The following CENPP variants were observed in gnomAD, a reference collection of about 807,000 sequenced individuals.
The protein encoded by CENPP is centromere protein P.
A neutral mutation model predicts 35.6 loss-of-function variants in CENPP; 24 were observed. The observed-to-expected ratio is 0.67, with a 90% CI of 0.49 to 0.95. The LOEUF is 0.95. Ranked by LOEUF, CENPP falls within the 40% of genes least tolerant of loss-of-function variation. The pLI, the probability that CENPP is intolerant of heterozygous loss-of-function variation, is 0.00. For synonymous variants in CENPP, 120 were observed against 125.5 expected, an observed-to-expected ratio of 0.96 and a Z score of 0.29; for missense variants, 332 against 345.3, an observed-to-expected ratio of 0.96 and a Z score of 0.31.
At chr9:92,495,710 T>A in intron 5 of CENPP, 1 of 900,882 alleles carries the variant, frequency 1.1e-6, no homozygotes, top group Non-Finnish European at 1.3e-6. Context: ...TACATAACCA[T>A]AATATGATTT....
intron 1 of CENPP, among the ~76,000 whole-genome samples, chr9:92,330,701 T>TG (rs200149638): frequency 0.09 from 13,376 of 148,388 alleles, 560 homozygotes; most frequent in Non-Finnish European, 0.098. Flanking sequence ...TTTTTTTTTT[T>TG]TTGTTGAGAC....
intron 5 of CENPP, among the ~76,000 whole-genome samples, chr9:92,555,142 G>T (rs1167398387): frequency 1.3e-5 from 2 of 149,192 alleles, no homozygotes; most frequent in Non-Finnish European, 3.0e-5. Context: ...AAAACGATTG[G>T]TATCAATTCT....
At chr9:92,382,871 C>T (rs1304640133) in intron 5 of CENPP, among the ~76,000 whole-genome samples, 4 of 146,296 alleles carry the variant, frequency 2.7e-5, no homozygotes, top group African/African-American at 5.0e-5. Context: ...TCTGTACTTA[C>T]GCTAGTACCA....
rs573606634 is a variant in CENPP at position 92,426,648 on chromosome 9, A to G, written c.564+46789A>G. On this transcript the variant is annotated intron_variant, in intron 5 of 7. Coordinates refer to ENST00000375587, the MANE Select transcript of CENPP (RefSeq NM_001012267.3). ...GGCACCGCTGTATGTGGGGACTGGA[A>G]TGGAACAATTAAGTTACTGTATGGC... is the stretch of plus-strand genomic sequence containing the variant. 1.9e-4 allele frequency among the ~76,000 whole-genome samples: 29 copies of G among 152,316 alleles called. No homozygotes were observed. In the East Asian group the frequency reaches 5.6e-3, roughly 29 times the overall value.
At chr9:92,388,302 C>T (rs1257147982) in intron 5 of CENPP, among the ~76,000 whole-genome samples, 1 of 151,660 alleles carries the variant, frequency 6.6e-6, no homozygotes, top group African/African-American at 2.4e-5. Flanking sequence ...GCTGGGACTA[C>T]AGGCGCCCAC....
chr9:92,488,574 C>T (rs1846113158), intron 5 of CENPP, among the ~76,000 whole-genome samples: 1 of 152,120 alleles, frequency 6.6e-6, no homozygotes, highest in South Asian at 2.1e-4. Context: ...AACTGCTGCC[C>T]TAGAATAGAT....
At chr9:92,515,131 C>G in intron 5 of CENPP, 16 of 1,612,890 alleles carry the variant, frequency 9.9e-6, no homozygotes, top group Non-Finnish European at 1.3e-5. Flanking sequence ...GGTAGGTTCT[C>G]TTTGTTCTGA....
intron 5 of CENPP, among the ~76,000 whole-genome samples, chr9:92,394,778 T>C (rs1269457840): frequency 6.6e-6 from 1 of 151,616 alleles, no homozygotes; most frequent in Non-Finnish European, 1.5e-5. Context: ...CTAATTTTTT[T>C]GTATTTTTAG....
chr9:92,403,155 G>A, intron 5 of CENPP: 1 of 891,306 alleles, frequency 1.1e-6, no homozygotes. Flanking sequence ...TACCTTATCA[G>A]ACACATTCAG....
At chr9:92,349,902 T>A (rs1434611124) in intron 4 of CENPP, among the ~76,000 whole-genome samples, 1 of 152,192 alleles carries the variant, frequency 6.6e-6, no homozygotes, top group African/African-American at 2.4e-5. Flanking sequence ...GAATGTAAGT[T>A]TTCTTTTCTC....
rs373666124 is a variant in CENPP at position 92,437,402 on chromosome 9, T to C, written c.564+57543T>C. Among the ~76,000 whole-genome samples, 151 of 58,384 alleles carry C rather than the reference T, an allele frequency of 2.6e-3. 1 individual carries two copies. In the African/African-American group the frequency reaches 0.027, roughly 10 times the overall value. 38.3% of individuals were successfully genotyped at this position (58,384 alleles called of 152,430 possible). A position where few individuals can be genotyped will look rare whatever the true frequency, so the allele number is the denominator to read the frequency against. On this transcript the variant is annotated intron_variant, in intron 5 of 7. Coordinates refer to ENST00000375587, the MANE Select transcript of CENPP (RefSeq NM_001012267.3). ...GTATGATTAGTCTTTTTCTTTTGTC[T>C]TTTTTTTTGTTTTGTTTTTTTTTTT...
At chr9:92,592,195 T>C (rs1850681205) in intron 5 of CENPP, among the ~76,000 whole-genome samples, 2 of 152,000 alleles carry the variant, frequency 1.3e-5, no homozygotes, top group Admixed American at 6.5e-5. Context: ...ATGATAAATA[T>C]ACAGTTTGAT....
intron 5 of CENPP, chr9:92,456,337 G>T (rs1014092621): frequency 2.0e-5 from 3 of 152,136 alleles, no homozygotes; most frequent in Admixed American, 6.6e-5. Flanking sequence ...TGTTTAATTT[G>T]ATGCTCTGCT....
At chr9:92,515,714 T>C (rs997426956) in intron 5 of CENPP, among the ~76,000 whole-genome samples, 17 of 152,228 alleles carry the variant, frequency 1.1e-4, no homozygotes, top group Non-Finnish European at 1.9e-4. Flanking sequence ...AGATTTGTCA[T>C]TATTTTTGTC....
chr9:92,365,183 G>T (rs1293172250), intron 4 of CENPP, among the ~76,000 whole-genome samples: 1 of 152,052 alleles, frequency 6.6e-6, no homozygotes, highest in Non-Finnish European at 1.5e-5. Context: ...TAATATATTA[G>T]ATATCGATAA....
intron 5 of CENPP, among the ~76,000 whole-genome samples, chr9:92,454,381 A>G (rs1844810508): frequency 6.6e-6 from 1 of 152,210 alleles, no homozygotes; most frequent in Non-Finnish European, 1.5e-5. Flanking sequence ...GATCATAGAT[A>G]AATCTGTCTT....
chr9:92,396,644 A>G (rs1842904216), intron 5 of CENPP, among the ~76,000 whole-genome samples: 1 of 151,570 alleles, frequency 6.6e-6, no homozygotes, highest in South Asian at 2.1e-4. Flanking sequence ...GTTCACTGCA[A>G]ACCTCGACCT....
intron 5 of CENPP, among the ~76,000 whole-genome samples, chr9:92,445,421 C>T (rs1844528128): frequency 6.6e-6 from 1 of 152,060 alleles, no homozygotes; most frequent in Admixed American, 6.5e-5. Flanking sequence ...ATGTCGTGGT[C>T]CCTCCATTGG....
At chr9:92,413,878 C>G (rs1409196064) in intron 5 of CENPP, among the ~76,000 whole-genome samples, 1 of 152,166 alleles carries the variant, frequency 6.6e-6, no homozygotes, top group African/African-American at 2.4e-5. Flanking sequence ...GCATTAAAGA[C>G]TTCACTTTAA....
Sources: allele counts gnomAD v4.1 joint callset (sites outside exome capture counted in the v4.1 genomes callset), GRCh38; gene constraint gnomAD v4.1.1; transcripts MANE v1.5; gene names NCBI Gene and HGNC (gene_info 2026-07-23, HGNC 2026-07-21).